MYRFL: variants seen among roughly 807,000 people sequenced by gnomAD.
MYRFL encodes myelin regulatory factor-like protein.
MYRFL carries 88 observed loss-of-function variants against 109.4 expected under a neutral mutation model. The ratio of observed to expected loss-of-function variants is 0.80; its 90% confidence interval spans 0.68 to 0.96. The LOEUF is 0.96. Ranked by LOEUF, MYRFL falls within the 40% of genes least tolerant of loss-of-function variation. MYRFL has a pLI of 0.00. For synonymous variants in MYRFL, 324 were observed against 320.9 expected (o/e 1.01, Z -0.10); for missense variants, 957 against 954.9 (o/e 1.00, Z -0.03).
At chr12:69,909,529 C>T (rs568315742) in intron 11 of MYRFL, among the ~76,000 whole-genome samples, 3 of 152,034 alleles carry the variant, frequency 2.0e-5, no homozygotes, top group Non-Finnish European at 2.9e-5. Flanking sequence ...GGGCTACCAA[C>T]TTTTTTGTCA....
chr12:69,827,177 A>T (rs888213223), intron 1 of MYRFL, among the ~76,000 whole-genome samples: 2 of 152,064 alleles, frequency 1.3e-5, no homozygotes, highest in Non-Finnish European at 2.9e-5. Flanking sequence ...CAAGAAAAAA[A>T]TTTGACAATT....
chr12:69,834,043 A>G (rs1417061468), intron 1 of MYRFL, among the ~76,000 whole-genome samples: 3 of 152,124 alleles, frequency 2.0e-5, no homozygotes, highest in Admixed American at 6.6e-5. Context: ...GAGTACAAAG[A>G]TATCAGAACA....
intron 22 of MYRFL, 119 bp downstream of exon 22, chr12:69,955,556 T>C: frequency 2.1e-6 from 1 of 484,486 alleles, no homozygotes; most frequent in Non-Finnish European, 3.6e-6. Context: ...TTGTGTTAAC[T>C]AATGATGGTT....
intron 2 of MYRFL, among the ~76,000 whole-genome samples, chr12:69,856,540 C>T (rs1884297553): frequency 6.6e-6 from 1 of 152,034 alleles, no homozygotes; most frequent in African/African-American, 2.4e-5. Context: ...AATTGCTTCT[C>T]TTCATTGCCA....
chr12:69,956,203 A>C (rs79396673), intron 22 of MYRFL, among the ~76,000 whole-genome samples: 7 of 143,780 alleles, frequency 4.9e-5, no homozygotes, highest in Non-Finnish European at 7.7e-5. Flanking sequence ...AAAAAAAAAA[A>C]CACATTCTGA....
intron 2 of MYRFL, among the ~76,000 whole-genome samples, chr12:69,878,771 T>C (rs554813219): frequency 6.6e-6 from 1 of 152,190 alleles, no homozygotes; most frequent in Non-Finnish European, 1.5e-5. Flanking sequence ...AATGGAGGCC[T>C]GGAGAGGTTA....
chr12:69,877,214 G>A (rs1885741601), intron 2 of MYRFL, among the ~76,000 whole-genome samples: 2 of 151,898 alleles, frequency 1.3e-5, no homozygotes, highest in South Asian at 2.1e-4. Context: ...TAGTAGAGAC[G>A]GAGTTTCACC....
At chr12:69,859,043 A>T (rs991105026) in intron 2 of MYRFL, among the ~76,000 whole-genome samples, 64 of 151,710 alleles carry the variant, frequency 4.2e-4, no homozygotes, top group African/African-American at 1.2e-3. Context: ...CTATATATAT[A>T]TATTTTTTTC....
chr12:69,944,800 C>G (rs964503952), intron 19 of MYRFL, among the ~76,000 whole-genome samples: 1 of 152,126 alleles, frequency 6.6e-6, no homozygotes, highest in South Asian at 2.1e-4. Context: ...ATGGGTGCAG[C>G]AAACCACCAA....
intron 11 of MYRFL, among the ~76,000 whole-genome samples, chr12:69,905,784 A>G (rs972144868): frequency 1.3e-5 from 2 of 152,204 alleles, no homozygotes; most frequent in African/African-American, 4.8e-5. Context: ...ATCTGTGCAC[A>G]TTTTTGAGAT....
rs890651285 is a variant in MYRFL, at chr12:69,928,936, T to C, written c.1830+1188T>C. On this transcript the variant is annotated intron_variant, in intron 15 of 24. Coordinates refer to ENST00000552032, the MANE Select transcript of MYRFL (RefSeq NM_182530.3). ...TTTGGTCACCTGCAATCTCTGTAGC[T>C]CCCATCTTGCAAAATAAGAGATTCT... Among the ~76,000 whole-genome samples the C allele has an allele frequency of 4.6e-5, 7 of 152,274 alleles. No homozygotes were observed. The East Asian group carries it at 1.4e-3, about 29-fold the overall frequency.
chr12:69,918,129 G>A (rs1158687041), intron 13 of MYRFL, among the ~76,000 whole-genome samples: 1 of 152,166 alleles, frequency 6.6e-6, no homozygotes, highest in Non-Finnish European at 1.5e-5. Context: ...AAAATTAGGA[G>A]ATCTTCATAA....
At position 69,891,637 on chromosome 12, in the gene MYRFL, T is replaced by TTCTCTTTCTTTCTTTCTTTCTTTCTTTC; in HGVS notation, c.903+472_903+473insCTCTTTCTTTCTTTCTTTCTTTCTTTCT. Among the ~76,000 whole-genome samples, 54 of 53,784 alleles carry TTCTCTTTCTTTCTTTCTTTCTTTCTTTC rather than the reference T, an allele frequency of 1.0e-3. 8 individuals are homozygous for TTCTCTTTCTTTCTTTCTTTCTTTCTTTC. Among genetic ancestry groups the TTCTCTTTCTTTCTTTCTTTCTTTCTTTC allele is most frequent in the Non-Finnish European group, 1.5e-3 (36 of 24,382 alleles). 35.3% of individuals were successfully genotyped at this position (53,784 alleles called of 152,430 possible). On this transcript the variant is annotated intron_variant, in intron 7 of 24. Transcript: ENST00000552032. ...TTTCTTTCTTTCCTCCTTCCTTTCT[T>TTCTCTTTCTTTCTTTCTTTCTTTCTTTC]TTTCTTTCTTTCTTTCTTTCTTTCT...
intron 6 of MYRFL, among the ~76,000 whole-genome samples, chr12:69,888,550 G>A (rs939044126): frequency 1.3e-5 from 2 of 152,074 alleles, no homozygotes; most frequent in African/African-American, 4.8e-5. Flanking sequence ...AAGCAGAATC[G>A]CCATTCTTAG....
intron 13 of MYRFL, among the ~76,000 whole-genome samples, chr12:69,918,086 T>C (rs373942691): frequency 3.9e-4 from 60 of 152,256 alleles, no homozygotes; most frequent in African/African-American, 1.4e-3. Flanking sequence ...CCCATAGTGT[T>C]TTAAAACATT....
intron 2 of MYRFL, among the ~76,000 whole-genome samples, chr12:69,864,275 A>G (rs1035924748): frequency 1.3e-5 from 2 of 149,096 alleles, no homozygotes; most frequent in Non-Finnish European, 1.5e-5. Context: ...TAGAACTCCA[A>G]GAATGCAAAT....
intron 1 of MYRFL, among the ~76,000 whole-genome samples, chr12:69,847,925 T>C (rs1030085263): frequency 2.0e-5 from 3 of 152,196 alleles, no homozygotes; most frequent in Non-Finnish European, 4.4e-5. Context: ...GGTATTCTTA[T>C]TATGGTTTAA....
chr12:69,857,838 A>G (rs1438266715), intron 2 of MYRFL, among the ~76,000 whole-genome samples: 2 of 151,748 alleles, frequency 1.3e-5, no homozygotes, highest in African/African-American at 4.8e-5. Flanking sequence ...TTCTTTTCAA[A>G]CTGTATATCT....
chr12:69,846,248 T>G (rs2136318691), intron 1 of MYRFL, among the ~76,000 whole-genome samples: 1 of 151,500 alleles, frequency 6.6e-6, no homozygotes, highest in African/African-American at 2.4e-5. Flanking sequence ...TGCAGGTTAG[T>G]TACATAGGTA....
Sources: gnomAD v4.1 joint callset for allele counts (sites outside exome capture counted in the v4.1 genomes callset) on GRCh38, gnomAD v4.1.1 for gene constraint, MANE v1.5 for transcripts, NCBI Gene and HGNC (gene_info 2026-07-23, HGNC 2026-07-21) for gene names.